The following GRIK2 variants were observed in gnomAD, a reference collection of about 807,000 sequenced individuals.
The protein encoded by GRIK2 is glutamate receptor ionotropic, kainate 2.
GRIK2 carries 32 observed loss-of-function variants against 100.3 expected under a neutral mutation model. That is an observed-to-expected ratio of 0.32 (90% CI 0.24 to 0.43). GRIK2 has a LOEUF of 0.43. Ranked by LOEUF, GRIK2 falls within the 20% of genes least tolerant of loss-of-function variation. The pLI is 1.00. For missense variants in GRIK2, 843 were observed against 1,114.9 expected (o/e 0.76, Z 3.47); for synonymous variants, 417 against 389.4 (o/e 1.07, Z -0.83).
intron 14 of GRIK2, among the ~76,000 whole-genome samples, chr6:102,011,948 C>T (rs1795567581): frequency 6.6e-6 from 1 of 152,138 alleles, no homozygotes; most frequent in Non-Finnish European, 1.5e-5. Context: ...TCCCCATACC[C>T]AAAGTTACCT....
intron 7 of GRIK2, among the ~76,000 whole-genome samples, chr6:101,760,811 A>G (rs142340369): frequency 0.01 from 1,522 of 145,674 alleles, 14 homozygotes; most frequent in Non-Finnish European, 0.012. Context: ...GTACTATTTT[A>G]TGTTGAGATT....
At chr6:101,491,503 C>G (rs1378376473) in intron 2 of GRIK2, among the ~76,000 whole-genome samples, 2 of 151,944 alleles carry the variant, frequency 1.3e-5, no homozygotes, top group Non-Finnish European at 2.9e-5. Flanking sequence ...CAAAAACTCA[C>G]ACATATAAAT....
intron 2 of GRIK2, among the ~76,000 whole-genome samples, chr6:101,413,084 G>A (rs1775958271): frequency 6.6e-6 from 1 of 151,936 alleles, no homozygotes; most frequent in African/African-American, 2.4e-5. Flanking sequence ...CTATTTCAAG[G>A]TAGTATAGTT....
chr6:101,951,540 C>T (rs537241041), intron 14 of GRIK2, among the ~76,000 whole-genome samples: 65 of 152,258 alleles, frequency 4.3e-4, no homozygotes, highest in African/African-American at 1.5e-3. Flanking sequence ...AGAGACATTC[C>T]ATGTAGACTG....
intron 14 of GRIK2, among the ~76,000 whole-genome samples, chr6:101,999,498 T>A (rs1794820397): frequency 6.6e-6 from 1 of 152,148 alleles, no homozygotes; most frequent in Non-Finnish European, 1.5e-5. Context: ...GTAAATGGTA[T>A]TTTCAAAAAC....
chr6:101,595,609 AAC>A (rs540727433), intron 2 of GRIK2, among the ~76,000 whole-genome samples: 103 of 150,988 alleles, frequency 6.8e-4, no homozygotes, highest in African/African-American at 2.4e-3. Flanking sequence ...CACAGGTACA[AAC>A]ACACACATGT....
intron 2 of GRIK2, among the ~76,000 whole-genome samples, chr6:101,577,423 A>T (rs1777842945): frequency 6.6e-6 from 1 of 152,138 alleles, no homozygotes; most frequent in South Asian, 2.1e-4. Context: ...TTAATTAAAA[A>T]AATATTTAGA....
At chr6:101,704,564 T>G (rs1773123162) in intron 7 of GRIK2, among the ~76,000 whole-genome samples, 1 of 151,838 alleles carries the variant, frequency 6.6e-6, no homozygotes, top group African/African-American at 2.4e-5. Context: ...CAATAATAAT[T>G]CTTAGAAAGT....
intron 4 of GRIK2, among the ~76,000 whole-genome samples, chr6:101,665,607 T>C (rs1769967753): frequency 6.6e-6 from 1 of 152,238 alleles, no homozygotes; most frequent in Non-Finnish European, 1.5e-5. Context: ...ATTTTAAAAA[T>C]AAACCTTAAA....
At chr6:101,747,749 A>T (rs1776511513) in intron 7 of GRIK2, among the ~76,000 whole-genome samples, 1 of 152,228 alleles carries the variant, frequency 6.6e-6, no homozygotes. Flanking sequence ...TATCAGAATT[A>T]CTAAATAAGA....
intron 2 of GRIK2, among the ~76,000 whole-genome samples, chr6:101,572,869 G>A (rs961596836): frequency 2.0e-5 from 3 of 146,610 alleles, no homozygotes; most frequent in African/African-American, 7.5e-5. Flanking sequence ...CTGAGACAGA[G>A]TCTGTCTCCG....
intron 2 of GRIK2, among the ~76,000 whole-genome samples, chr6:101,416,060 C>T (rs1389392622): frequency 6.6e-6 from 1 of 152,102 alleles, no homozygotes; most frequent in Admixed American, 6.5e-5. Context: ...GTAATTGTTT[C>T]AGCTAATTTA....
chr6:101,480,982 T>G (rs964933729), intron 2 of GRIK2, among the ~76,000 whole-genome samples: 3 of 152,160 alleles, frequency 2.0e-5, no homozygotes, highest in Non-Finnish European at 4.4e-5. Flanking sequence ...AGAGTGATAT[T>G]GGCAAACATG....
intron 2 of GRIK2, among the ~76,000 whole-genome samples, chr6:101,598,756 G>A (rs1779051726): frequency 6.6e-6 from 1 of 151,454 alleles, no homozygotes; most frequent in African/African-American, 2.4e-5. Flanking sequence ...TTTCTTCCCT[G>A]CTAAAGAAAG....
At position 101,912,809 on chromosome 6, in the gene GRIK2, A is replaced by G. The variant is rs9498743; in HGVS notation, c.1749-11792A>G. ...TTATTTTTTAAAGGAAATGCATCTT[A>G]TGAGGTAGTGTTTACAAACCAGTCA... On this transcript the variant is annotated intron_variant, in intron 12 of 16. Coordinates refer to ENST00000369134, the MANE Select transcript of GRIK2 (RefSeq NM_021956.5). Among the ~76,000 whole-genome samples, 620 of 151,668 alleles carry G rather than the reference A, an allele frequency of 4.1e-3. 2 individuals carry two copies. The highest frequency in any genetic ancestry group is 0.013 in the African/African-American group (553 of 41,466).
At chr6:101,716,544 T>A (rs2128362206) in intron 7 of GRIK2, among the ~76,000 whole-genome samples, 1 of 140,268 alleles carries the variant, frequency 7.1e-6, no homozygotes, top group South Asian at 2.3e-4. Flanking sequence ...GGAGAGACAA[T>A]GCTTTTGTAC....
At chr6:101,419,815 T>C (rs886671140) in intron 2 of GRIK2, among the ~76,000 whole-genome samples, 1 of 152,190 alleles carries the variant, frequency 6.6e-6, no homozygotes, top group African/African-American at 2.4e-5. Flanking sequence ...CACTACTGTT[T>C]GATTGGGATG....
chr6:101,784,969 T>C (rs1026113815), intron 7 of GRIK2, among the ~76,000 whole-genome samples: 10 of 152,332 alleles, frequency 6.6e-5, no homozygotes, highest in African/African-American at 2.2e-4. Flanking sequence ...GCATTTGTTA[T>C]TGTCTTTTTG....
intron 9 of GRIK2, among the ~76,000 whole-genome samples, chr6:101,816,961 A>T (rs1408573072): frequency 6.6e-6 from 1 of 152,156 alleles, no homozygotes; most frequent in Non-Finnish European, 1.5e-5. Flanking sequence ...AGATTTAAAA[A>T]TTGCACATAC....
Sources: gnomAD v4.1 joint callset for allele counts (sites outside exome capture counted in the v4.1 genomes callset) on GRCh38, gnomAD v4.1.1 for gene constraint, MANE v1.5 for transcripts, NCBI Gene and HGNC (gene_info 2026-07-23, HGNC 2026-07-21) for gene names.